The following CLEC4F variants were observed in gnomAD, a reference collection of about 807,000 sequenced individuals.
CLEC4F encodes C-type (calcium dependent, carbohydrate-recognition domain) lectin, superfamily member 13.
In CLEC4F, 45 loss-of-function variants were observed where a neutral mutation model predicts 53.4. The ratio of observed to expected loss-of-function variants is 0.84; its 90% CI spans 0.66 to 1.08. CLEC4F has a LOEUF of 1.08. Among genes scored for constraint, CLEC4F ranks in the 50% least tolerant of loss-of-function variants. The pLI is 0.00. For missense variants in CLEC4F, 753 were observed against 698.2 expected (o/e 1.08, Z -0.88); for synonymous variants, 245 against 257.5 (o/e 0.95, Z 0.46).
At chr2:70,810,412 A>G (rs1239753661) in intron 5 of CLEC4F, among the ~76,000 whole-genome samples, 1 of 152,070 alleles carries the variant, frequency 6.6e-6, no homozygotes, top group East Asian at 1.9e-4. Context: ...TGAGGTCGGG[A>G]GTTCGAGACC....
Position 70,820,541 on chromosome 2 carries a change from T to C in CLEC4F, c.-18A>G. 5.7e-6 allele frequency: 9 copies of C among 1,575,474 alleles called. No homozygotes were observed. The highest frequency in any genetic ancestry group is 1.2e-5 in the South Asian group (1 of 86,056). On this transcript the variant is annotated 5_prime_UTR_variant, in exon 1 of 7. Transcript: ENST00000272367. ...CCGTCCATCTCTGCTTCCTTGATCCTCCAGCACTGCTCCCAGCCACTGGCT... is the reference window on the plus strand; with the variant it reads ...CCGTCCATCTCTGCTTCCTTGATCCCCCAGCACTGCTCCCAGCCACTGGCT...
intron 4 of CLEC4F, among the ~76,000 whole-genome samples, chr2:70,815,412 T>A (rs1280937358): frequency 1.3e-5 from 2 of 152,194 alleles, no homozygotes; most frequent in African/African-American, 4.8e-5. Context: ...ATCAGCCTTA[T>A]ACCTGTCTGT....
intron 5 of CLEC4F, chr2:70,811,079 C>T: frequency 1.5e-6 from 1 of 677,620 alleles, no homozygotes; most frequent in Admixed American, 1.8e-5. Context: ...AGAAGACATG[C>T]AGCACCAACA....
intron 4 of CLEC4F, 40 bp downstream of exon 4, chr2:70,815,954 A>G (rs782450060): frequency 1.3e-6 from 2 of 1,579,950 alleles, no homozygotes; most frequent in South Asian, 1.2e-5. Context: ...CTCTCAAGAG[A>G]CTGTGCCCTC....
intron 5 of CLEC4F, 33 bp downstream of exon 5, chr2:70,812,414 C>T: frequency 6.2e-7 from 1 of 1,610,330 alleles, no homozygotes; most frequent in African/African-American, 1.3e-5. Flanking sequence ...CACACCAATT[C>T]CACCAACAAC....
chr2:70,808,953 C>T lies in CLEC4F; in HGVS notation c.*318G>A. Reference sequence around the variant, plus strand: ...CTCAGGCCACACCCTGGCCCATGGGCTTCTTGCACACCCACTGATAGGGGG... The same window carrying T: ...CTCAGGCCACACCCTGGCCCATGGGTTTCTTGCACACCCACTGATAGGGGG... On this transcript the variant is annotated 3_prime_UTR_variant, in exon 7 of 7. Transcript: ENST00000272367. 1.1e-6 allele frequency: 1 copy of T among 932,286 alleles called. No individual in the cohort carries two copies. Among genetic ancestry groups the T allele is most frequent in the South Asian group, 1.6e-5 (1 of 63,766 alleles). 57.8% of individuals were successfully genotyped at this position (932,286 alleles called of 1,614,324 possible).
upstream of CLEC4F, among the ~76,000 whole-genome samples, chr2:70,824,669 A>G (rs1485242104): frequency 6.7e-6 from 1 of 149,586 alleles, no homozygotes; most frequent in Non-Finnish European, 1.5e-5. Flanking sequence ...TGTCAAAATG[A>G]CACAGGAACC....
chr2:70,810,953 A>G, intron 5 of CLEC4F: 1 of 550,510 alleles, frequency 1.8e-6, no homozygotes, highest in Non-Finnish European at 3.6e-6. Context: ...AATATCTGCC[A>G]ATGATGAAAA....
intron 4 of CLEC4F, among the ~76,000 whole-genome samples, chr2:70,815,617 T>C (rs75034229): frequency 0.027 from 4,176 of 152,226 alleles, 175 homozygotes; most frequent in African/African-American, 0.095. Context: ...AATATTATTG[T>C]CTCCCCCTTG....
chr2:70,816,322 G>C lies in CLEC4F; in HGVS notation c.1059C>G (p.Asp353Glu). 1 of 1,614,130 alleles carries C rather than the reference G, an allele frequency of 6.2e-7. No individual in the cohort carries two copies. Among genetic ancestry groups the C allele is most frequent in the Non-Finnish European group, 8.5e-7 (1 of 1,180,016 alleles). The change falls in exon 4 of 7, where the codon GAC becomes GAG. Residue 353 changes from aspartate (D) to glutamate (E), a missense_variant. By Grantham distance (45) the Asp-to-Glu change is conservative (BLOSUM62 2). Coordinates refer to ENST00000272367, the MANE Select transcript of CLEC4F (RefSeq NM_173535.3). ...AQTQKANGRL[D>E]QTDTQIQVFK... ...ATACCTGAATCTGAGTATCTGTCTG[G>C]TCCAGACGGCCATTTGCTTTTTGGG...
chr2:70,822,018 C>G (rs1384400005), upstream of CLEC4F, among the ~76,000 whole-genome samples: 3 of 152,166 alleles, frequency 2.0e-5, no homozygotes, highest in African/African-American at 2.4e-5. Flanking sequence ...CTCAGCCTCC[C>G]AAAGTGCTGG....
chr2:70,811,634 C>T (rs1022252387), intron 5 of CLEC4F, among the ~76,000 whole-genome samples: 1 of 152,154 alleles, frequency 6.6e-6, no homozygotes, highest in Non-Finnish European at 1.5e-5. Context: ...GTTAGTAATC[C>T]TGGCAAGTTC....
Position 70,809,116 on chromosome 2 carries a change from C to T in CLEC4F, c.*155G>A. ...AGGGCTTTATACTGTTAGATGAAGGCAGCATCCCTTCCTGGTGCTGTGGCT... is the reference window on the plus strand; with the variant it reads ...AGGGCTTTATACTGTTAGATGAAGGTAGCATCCCTTCCTGGTGCTGTGGCT... On this transcript the variant is annotated 3_prime_UTR_variant, in exon 7 of 7. Coordinates refer to ENST00000272367, the MANE Select transcript of CLEC4F (RefSeq NM_173535.3). 1 of 1,550,814 alleles carries T rather than the reference C, an allele frequency of 6.4e-7. No homozygotes were observed. The highest frequency in any genetic ancestry group is 8.7e-7 in the Non-Finnish European group (1 of 1,147,034).
At chr2:70,811,470 A>T (rs1553394226) in intron 5 of CLEC4F, 2 of 545,960 alleles carry the variant, frequency 3.7e-6, no homozygotes, top group Non-Finnish European at 3.6e-6. Context: ...CTCTGCCATG[A>T]CCATAGTGCC....
At chr2:70,809,676 A>C in intron 6 of CLEC4F, 63 bp downstream of exon 6, 1 of 1,222,534 alleles carries the variant, frequency 8.2e-7, no homozygotes, top group South Asian at 1.2e-5. Context: ...AGGGACACAC[A>C]GTGTGTAGCT....
upstream of CLEC4F, among the ~76,000 whole-genome samples, chr2:70,821,606 T>G (rs1677224968): frequency 6.6e-6 from 1 of 152,216 alleles, no homozygotes; most frequent in South Asian, 2.1e-4. Context: ...CCTGTGTACC[T>G]CTTCATCAGG....
Position 70,816,440 on chromosome 2 carries a change from C to T in CLEC4F, c.941G>A (p.Ser314Asn), listed in dbSNP as rs782423387. The T allele has an allele frequency of 6.2e-7, 1 of 1,614,080 alleles. No individual in the cohort carries two copies. The highest frequency in any genetic ancestry group is 8.5e-7 in the Non-Finnish European group (1 of 1,180,000). The change falls in exon 4 of 7, where the codon AGT (serine) becomes AAT (asparagine). Residue 314 changes from serine to asparagine, a missense_variant. Ser to Asn is a conservative substitution (Grantham distance 46, BLOSUM62 1). Transcript: ENST00000272367. ...AFIKSSFDNTSAEIQFLRGHL... is the reference protein window; with the variant it reads ...AFIKSSFDNTNAEIQFLRGHL... ...ACCTCTTAAGAACTGGATCTCAGCA[C>T]TAGTGTTGTCAAAACTGCTTTTTAT...
chr2:70,811,445 C>G (rs1553394217), intron 5 of CLEC4F: 1 of 580,836 alleles, frequency 1.7e-6, no homozygotes, highest in African/African-American at 1.9e-5. Flanking sequence ...TGTTCTGCCT[C>G]AGCACTGCCA....
rs1553395660 is a variant in CLEC4F, at chr2:70,815,983, C to G, written c.1387+11G>C. ...TGCCCTCCCCAAACGCGACTCCCCT[C>G]TCCCACTTACTTTGGGTTCTTTGTA... On this transcript the variant is annotated intron_variant, in intron 4 of 6. Transcript: ENST00000272367. 6.2e-7 allele frequency: 1 copy of G among 1,608,682 alleles called. No homozygotes were observed. The highest frequency in any genetic ancestry group is 8.5e-7 in the Non-Finnish European group (1 of 1,176,646).
Sources: allele counts gnomAD v4.1 joint callset (sites outside exome capture counted in the v4.1 genomes callset), GRCh38; gene constraint gnomAD v4.1.1; transcripts MANE v1.5; gene names NCBI Gene and HGNC (gene_info 2026-07-23, HGNC 2026-07-21).